The following SCG3 variants were observed in gnomAD, a reference collection of about 807,000 sequenced individuals.
SCG3 encodes the protein secretogranin III, also known as secretogranin-3.
Under a neutral mutation model 56.2 loss-of-function variants are expected in SCG3, and 38 were observed. The ratio of observed to expected loss-of-function variants is 0.68; its 90% confidence interval spans 0.52 to 0.89. The LOEUF (loss-of-function observed/expected upper bound fraction) is 0.89, where lower values mean the gene tolerates loss of function less well. Ranked by LOEUF, SCG3 falls within the 40% of genes least tolerant of loss-of-function variation. The pLI, the probability that SCG3 is intolerant of heterozygous loss-of-function variation, is 0.00. For missense variants in SCG3, 524 were observed against 540.7 expected, an observed-to-expected ratio of 0.97 and a Z score of 0.31; for synonymous variants, 176 against 184.2, an observed-to-expected ratio of 0.96 and a Z score of 0.36.
At position 51,713,421 on chromosome 15, in the gene SCG3, C is replaced by T. The variant is rs1242396888; in HGVS notation, c.1288+8C>T. 1 of 1,568,754 alleles carries T rather than the reference C, an allele frequency of 6.4e-7. No individual in the cohort carries two copies. The highest frequency in any genetic ancestry group is 8.7e-7 in the Non-Finnish European group (1 of 1,150,996). ...AAAAGGGAAATAAAGAAGGTAGGAC[C>T]AAGTGTGGTTGTACATTGCAAACTT... On this transcript the variant is annotated splice_region_variant and intron_variant, in intron 11 of 11. Transcript: ENST00000220478.
chr15:51,699,926 G>C (rs1160713272), intron 9 of SCG3, among the ~76,000 whole-genome samples: 1 of 152,082 alleles, frequency 6.6e-6, no homozygotes, highest in Admixed American at 6.5e-5. Flanking sequence ...TCAAACCCCA[G>C]GGAACTGAGC....
At chr15:51,686,681 A>ATGTTTGTTTGTTTGTTTGTTTGTT (rs59206609) in intron 4 of SCG3, among the ~76,000 whole-genome samples, 1 of 150,464 alleles carries the variant, frequency 6.6e-6, no homozygotes, top group Non-Finnish European at 1.5e-5. Context: ...AACTGATTTT[A>ATGTTTGTTTGTTTGTTTGTTTGTT]TGTTTGTTTG....
chr15:51,709,782 G>A (rs1405095341), intron 10 of SCG3, among the ~76,000 whole-genome samples: 6 of 122,688 alleles, frequency 4.9e-5, no homozygotes, highest in African/African-American at 1.6e-4. Context: ...GTGCAGTGGC[G>A]TGATCTCTGC....
At chr15:51,701,474 C>T (rs1595835595) in intron 10 of SCG3, among the ~76,000 whole-genome samples, 1 of 152,082 alleles carries the variant, frequency 6.6e-6, no homozygotes, top group East Asian at 1.9e-4. Context: ...CTTTAGTGTT[C>T]AATGGACTTT....
At chr15:51,688,815 G>A (rs1312706717) in intron 5 of SCG3, among the ~76,000 whole-genome samples, 1 of 152,180 alleles carries the variant, frequency 6.6e-6, no homozygotes, top group African/African-American at 2.4e-5. Context: ...GAAACTCCAG[G>A]TGATCTAATT....
At chr15:51,703,293 C>T (rs60694229) in intron 10 of SCG3, among the ~76,000 whole-genome samples, 26,416 of 152,120 alleles carry the variant, frequency 0.17, 2,735 homozygotes, top group Non-Finnish European at 0.23. Flanking sequence ...ACTTAATAGA[C>T]GCATGCTTAC....
chr15:51,682,585 CATT>C lies in SCG3; in HGVS notation c.135+19_135+21del. ...GAATGAACAGGTAGGTCAAAAGTAA[CATT>C]ATGAATGCTATTTCATTTTGATTTA... On this transcript the variant is annotated intron_variant, in intron 2 of 11. Transcript: ENST00000220478. 7.7e-7 allele frequency: 1 copy of C among 1,296,534 alleles called. No individual in the cohort carries two copies. The highest frequency in any genetic ancestry group is 1.1e-6 in the Non-Finnish European group (1 of 945,200). The allele number at this position is 1,296,534 out of a possible 1,614,324, so 80.3% of individuals were successfully genotyped here. A position where few individuals can be genotyped will look rare whatever the true frequency, so the allele number is the denominator to read the frequency against.
chr15:51,718,646 TA>T (rs11344508), intron 11 of SCG3, among the ~76,000 whole-genome samples: 75,173 of 151,862 alleles, frequency 0.5, 18,863 homozygotes, highest in Admixed American at 0.56. Context: ...TGGGGGTTTT[TA>T]AAAGGCTTCA....
chr15:51,689,395 ATGGGGG>A (rs2141561719), intron 6 of SCG3, 27 bp downstream of exon 6: 1 of 1,245,988 alleles, frequency 8.0e-7, no homozygotes, highest in Non-Finnish European at 1.1e-6. Context: ...ATGCATATGC[ATGGGGG>A]TGTGTGTGTG....
intron 10 of SCG3, among the ~76,000 whole-genome samples, chr15:51,704,764 C>CATATGTATATATATATATATATAT (rs1555457999): frequency 1.5e-5 from 1 of 67,010 alleles, no homozygotes; most frequent in African/African-American, 4.3e-5. Context: ...GTGAGTAATA[C>CATATGTATATATATATATATATAT]ATATATATAT....
Position 51,682,544 on chromosome 15 carries a change from G to A in SCG3, c.110G>A (p.Ser37Asn). ...QDKSLHNREL[S>N]AERPLNEQIA... ...AAATCTCTACATAATAGAGAATTAA[G>A]TGCAGAAAGACCTTTGAATGAACAG... The change falls in exon 2 of 12, where the codon AGT (serine) becomes AAT (asparagine). Residue 37 changes from serine to asparagine, a missense_variant. Physicochemically the swap from Ser to Asn is conservative, Grantham distance 46 (BLOSUM62 1). Coordinates refer to ENST00000220478, the MANE Select transcript of SCG3 (RefSeq NM_013243.4). 1 of 1,449,436 alleles carries A rather than the reference G, an allele frequency of 6.9e-7. No individual in the cohort carries two copies. The allele number at this position is 1,449,436 out of a possible 1,614,324, so 89.8% of individuals were successfully genotyped here.
chr15:51,694,993 T>C (rs372406593), intron 7 of SCG3, among the ~76,000 whole-genome samples: 3 of 148,738 alleles, frequency 2.0e-5, no homozygotes, highest in African/African-American at 2.5e-5. Context: ...ATGGTGCCAC[T>C]GCACTCCAGC....
At chr15:51,718,211 C>T (rs1004421641) in intron 11 of SCG3, among the ~76,000 whole-genome samples, 40 of 148,426 alleles carry the variant, frequency 2.7e-4, no homozygotes, top group African/African-American at 9.8e-4. Context: ...GACAGACAGA[C>T]AGACAGACAG....
At chr15:51,717,713 C>G (rs2055467415) in intron 11 of SCG3, among the ~76,000 whole-genome samples, 1 of 152,118 alleles carries the variant, frequency 6.6e-6, no homozygotes, top group South Asian at 2.1e-4. Context: ...GGTGCAACAC[C>G]CTTCCAGCAT....
At chr15:51,688,427 C>A (rs1027971310) in intron 5 of SCG3, 25 bp downstream of exon 5, 1 of 1,608,398 alleles carries the variant, frequency 6.2e-7, no homozygotes, top group Non-Finnish European at 8.5e-7. Context: ...AGGAAATAAA[C>A]CAAATTCCTA....
At chr15:51,696,112 A>G (rs1013509905) in intron 8 of SCG3, 121 bp downstream of exon 8, 166 of 716,942 alleles carry the variant, frequency 2.3e-4, no homozygotes, top group Non-Finnish European at 4.0e-5. Flanking sequence ...CAAATCACCA[A>G]GAATCGACCA....
Position 51,689,235 on chromosome 15 carries a change from C to A in SCG3, c.557C>A (p.Ala186Glu). ...LNLGLITESQ[A>E]HTLEDEVAEV... ...TTATGATAGATCACAGAAAGCCAAG[C>A]ACATACACTGGAAGATGAAGTAGCA... Residue 186 changes from alanine (A) to glutamate (E), a missense_variant, in exon 6 of 12, where the codon GCA becomes GAA. Transcript: ENST00000220478. The A allele has an allele frequency of 6.2e-7, 1 of 1,613,694 alleles. No homozygotes were observed. Among genetic ancestry groups the A allele is most frequent in the African/African-American group, 1.3e-5 (1 of 74,978 alleles).
rs183622838 is a variant in SCG3, at chr15:51,687,031, T to C, written c.398-1229T>C. 1.7e-3 allele frequency among the ~76,000 whole-genome samples: 257 copies of C among 152,324 alleles called. 2 individuals are homozygous for C. Among genetic ancestry groups the C allele is most frequent in the East Asian group, 0.011 (58 of 5,192 alleles). On this transcript the variant is annotated intron_variant, in intron 4 of 11. Transcript: ENST00000220478. ...AATAGAAATACTAGGCTCTTCTTTC[T>C]TTGAGTGAATATGATGAGGATTGTC...
At chr15:51,704,247 A>ATATG (rs60358060) in intron 10 of SCG3, among the ~76,000 whole-genome samples, 1 of 96,236 alleles carries the variant, frequency 1.0e-5, no homozygotes, top group Non-Finnish European at 1.9e-5. Flanking sequence ...ATACATACAT[A>ATATG]TATATATATA....
Sources: gnomAD v4.1 joint callset for allele counts (sites outside exome capture counted in the v4.1 genomes callset) on GRCh38, gnomAD v4.1.1 for gene constraint, MANE v1.5 for transcripts, NCBI Gene and HGNC (gene_info 2026-07-23, HGNC 2026-07-21) for gene names.